ZNF560: variants seen among roughly 807,000 people sequenced by gnomAD.
ZNF560 encodes zinc finger protein 560.
A neutral mutation model predicts 81.8 loss-of-function variants in ZNF560; 54 were observed. The ratio of observed to expected loss-of-function variants is 0.66; its 90% CI spans 0.53 to 0.83. The LOEUF (loss-of-function observed/expected upper bound fraction) is 0.83, where lower values mean the gene tolerates loss of function less well. ZNF560 is among the 40% of genes least tolerant of loss of function. The probability of loss-of-function intolerance (pLI) is 0.00; values close to 1 mark genes in which losing one functional copy is unlikely to be tolerated. For missense variants in ZNF560, 940 were observed against 932.4 expected (o/e 1.01, Z -0.11); for synonymous variants, 321 against 317.9 (o/e 1.01, Z -0.10).
chr19:9,487,288 G>A (rs1318295235), intron 2 of ZNF560, among the ~76,000 whole-genome samples: 2 of 152,196 alleles, frequency 1.3e-5, no homozygotes, highest in African/African-American at 2.4e-5. Context: ...TCAGCACAGA[G>A]GAACAAGCAT....
At chr19:9,483,561 C>T (rs1176978684) in intron 2 of ZNF560, among the ~76,000 whole-genome samples, 75 of 145,650 alleles carry the variant, frequency 5.1e-4, no homozygotes, top group Middle Eastern at 3.7e-3. Flanking sequence ...CCCGGCCAGC[C>T]GCCCCGTCCG....
intron 2 of ZNF560, among the ~76,000 whole-genome samples, chr19:9,484,627 CAAA>C (rs60283585): frequency 5.1e-4 from 41 of 79,714 alleles, no homozygotes; most frequent in Admixed American, 2.1e-3. Context: ...ACCGAAAATA[CAAA>C]AAAAAAAAAA....
rs143924371 is a variant in ZNF560, at chr19:9,493,728, C to A, written c.-57+4400G>T. Among the ~76,000 whole-genome samples, 283 of 152,288 alleles carry A rather than the reference C, an allele frequency of 1.9e-3. 1 individual carries two copies. Among genetic ancestry groups the A allele is most frequent in the African/African-American group, 6.4e-3 (268 of 41,560 alleles). ...TGTATTTACATAAACCAATCATTCA[C>A]TTCTGTCTCTTTTCTATTTCTATTT... On this transcript the variant is annotated intron_variant, in intron 2 of 9. Coordinates refer to ENST00000301480, the MANE Select transcript of ZNF560 (RefSeq NM_152476.3).
intron 4 of ZNF560, among the ~76,000 whole-genome samples, chr19:9,473,793 G>C (rs1038248128): frequency 1.1e-4 from 17 of 151,922 alleles, no homozygotes; most frequent in Admixed American, 6.6e-4. Flanking sequence ...TTTAGTCACA[G>C]AAATAAGGTA....
downstream of ZNF560, among the ~76,000 whole-genome samples, chr19:9,461,834 T>C (rs1003931289): frequency 6.6e-6 from 1 of 152,186 alleles, no homozygotes; most frequent in Non-Finnish European, 1.5e-5. Flanking sequence ...TCTTCGGATG[T>C]TGCAAAATTA....
chr19:9,471,465 A>G (rs546574077), intron 5 of ZNF560, 87 bp from the exon 6 acceptor site: 1 of 820,372 alleles, frequency 1.2e-6, no homozygotes, highest in Non-Finnish European at 1.8e-6. Context: ...CCTCATTCAT[A>G]TTTGTTTTTA....
Position 9,470,441 on chromosome 19 carries a change from G to C in ZNF560, c.399C>G (p.Asn133Lys). 6.2e-7 allele frequency: 1 copy of C among 1,614,022 alleles called. No homozygotes were observed. The highest frequency in any genetic ancestry group is 8.5e-7 in the Non-Finnish European group (1 of 1,179,972). Residue 133 changes from asparagine (N) to lysine (K), a missense_variant, in exon 7 of 10, where the codon AAC (asparagine) becomes AAG (lysine). Asn to Lys is a moderately conservative substitution (Grantham distance 94). Transcript: ENST00000301480. ...TCTCCAGCATCACATCACTGTACAG[G>C]TTTCTCTGAGCTGGGTCCAGTAAAG... Reference protein sequence around the residue: ...EWTLLDPAQRNLYSDVMLENY... With the variant: ...EWTLLDPAQRKLYSDVMLENY...
the ZNF560 span, among the ~76,000 whole-genome samples, chr19:9,456,468 T>G: frequency 6.6e-6 from 1 of 152,058 alleles, no homozygotes; most frequent in Admixed American, 6.5e-5. Context: ...AAAGTGAAAC[T>G]AAAAGAACAA....
intron 5 of ZNF560, among the ~76,000 whole-genome samples, chr19:9,471,904 A>T (rs1277238640): frequency 6.6e-6 from 1 of 152,176 alleles, no homozygotes; most frequent in Non-Finnish European, 1.5e-5. Context: ...AGGTTAGGAG[A>T]TGAAGACCAT....
At chr19:9,491,887 T>C (rs1352688025) in intron 2 of ZNF560, among the ~76,000 whole-genome samples, 1 of 150,628 alleles carries the variant, frequency 6.6e-6, no homozygotes, top group Non-Finnish European at 1.5e-5. Flanking sequence ...TGGACTTCCA[T>C]TTACCAAAGC....
chr19:9,465,129 A>ATTTTTT (rs887659069), downstream of ZNF560, among the ~76,000 whole-genome samples: 23 of 129,516 alleles, frequency 1.8e-4, no homozygotes, highest in Middle Eastern at 4.2e-3. Context: ...AAAGCTATTG[A>ATTTTTT]TTTTTTTTTT....
At chr19:9,474,352 G>A (rs760824831) in intron 3 of ZNF560, 27 bp from the exon 4 acceptor site, 1 of 1,591,724 alleles carries the variant, frequency 6.3e-7, no homozygotes, top group Non-Finnish European at 8.6e-7. Context: ...ATGTTGATTT[G>A]AGCCAAGTAA....
chr19:9,469,582 G>T, intron 8 of ZNF560, 48 bp downstream of exon 8: 1 of 1,544,026 alleles, frequency 6.5e-7, no homozygotes, highest in Non-Finnish European at 9.0e-7. Context: ...GCTTCCAAAC[G>T]TACTGAGAAC....
chr19:9,450,058 TGAGG>T, the ZNF560 span, among the ~76,000 whole-genome samples: 1 of 149,300 alleles, frequency 6.7e-6, no homozygotes, highest in African/African-American at 2.5e-5. Flanking sequence ...TTTGGGACAC[TGAGG>T]CAGCTGGATC....
At chr19:9,502,012 G>A (rs563967806), upstream of ZNF560, among the ~76,000 whole-genome samples, 45 of 151,772 alleles carry the variant, frequency 3.0e-4, no homozygotes, top group African/African-American at 1.1e-3. Flanking sequence ...AAATTGGCTG[G>A]GCATGGTGGC....
At chr19:9,447,133 C>CAAAAAA in the ZNF560 span, among the ~76,000 whole-genome samples, 9 of 80,824 alleles carry the variant, frequency 1.1e-4, no homozygotes, top group Admixed American at 2.8e-4. Context: ...GACTCCGTCA[C>CAAAAAA]AAAAAAAAAA....
chr19:9,494,468 C>T (rs2073524237), intron 2 of ZNF560, among the ~76,000 whole-genome samples: 1 of 152,142 alleles, frequency 6.6e-6, no homozygotes, highest in South Asian at 2.1e-4. Flanking sequence ...GGTGCAGGGG[C>T]TCACCCCTGT....
chr19:9,469,667 T>C lies in ZNF560; in HGVS notation c.492A>G (p.Glu164=). ...TTGGCAGTGTGCTCAACTCTTCCTC[T>C]TCCTCCAGCCAAGAGATCAGACTGG... ...FKPSLISWLE[E]EEELSTLPRV... Residue 164 remains glutamate (E), a synonymous_variant, in exon 8 of 10, where the codon GAA becomes GAG. Transcript: ENST00000301480. 6.2e-7 allele frequency: 1 copy of C among 1,614,192 alleles called. No homozygotes were observed. The highest frequency in any genetic ancestry group is 8.5e-7 in the Non-Finnish European group (1 of 1,180,030).
intron 2 of ZNF560, among the ~76,000 whole-genome samples, chr19:9,491,115 T>G (rs2073465776): frequency 6.6e-6 from 1 of 151,894 alleles, no homozygotes; most frequent in African/African-American, 2.4e-5. Flanking sequence ...CAAAGTTGGT[T>G]TTGTTTTGTT....
Sources: allele counts gnomAD v4.1 joint callset (sites outside exome capture counted in the v4.1 genomes callset), GRCh38; gene constraint gnomAD v4.1.1; transcripts MANE v1.5; gene names NCBI Gene and HGNC (gene_info 2026-07-23, HGNC 2026-07-21).